DLAT: variants seen among roughly 807,000 people sequenced by gnomAD.
DLAT encodes dihydrolipoyllysine-residue acetyltransferase component of pyruvate dehydrogenase complex, mitochondrial.
Under a neutral mutation model 68.0 loss-of-function variants are expected in DLAT, and 43 were observed. The ratio of observed to expected loss-of-function variants is 0.63; its 90% confidence interval spans 0.50 to 0.81. DLAT has a LOEUF of 0.81. DLAT is among the 40% of genes least tolerant of loss of function. The pLI is 0.00. For missense variants in DLAT, 745 were observed against 815.4 expected (o/e 0.91, Z 1.05); for synonymous variants, 265 against 288.6 (o/e 0.92, Z 0.83).
In DLAT at chr11:112,058,361, T is replaced by G. The variant is rs587716922; in HGVS notation, c.1515-1542T>G. ...CGGTATTTTTATTAGAGCAGGTTCC[T>G]GTGTTTGTTTGCAAGTGACAAAATC... On this transcript the variant is annotated intron_variant, in intron 11 of 13. Transcript: ENST00000280346. Among the ~76,000 whole-genome samples the G allele has an allele frequency of 1.2e-4, 18 of 152,322 alleles. No homozygotes were observed. In the South Asian group the frequency reaches 3.7e-3, roughly 32 times the overall value.
Position 112,026,303 on chromosome 11 carries a change from AG to A in DLAT, c.381+5del, listed in dbSNP as rs1862001629. ...TGAAGGTGACCTAATTGCAGAGGTAAGTTTTTTTTTTTTTTTTTAATTAATT... is the reference window on the plus strand; with the variant it reads ...TGAAGGTGACCTAATTGCAGAGGTAATTTTTTTTTTTTTTTTTAATTAATT... On this transcript the variant is annotated splice_donor_5th_base_variant and intron_variant, in intron 2 of 13. Transcript: ENST00000280346. 1.3e-5 allele frequency: 17 copies of A among 1,351,222 alleles called. No homozygotes were observed. The highest frequency in any genetic ancestry group is 1.7e-5 in the Non-Finnish European group (17 of 1,018,310). 83.7% of individuals were successfully genotyped at this position (1,351,222 alleles called of 1,614,324 possible).
chr11:112,026,854 C>A (rs1862050124), intron 2 of DLAT, among the ~76,000 whole-genome samples: 1 of 152,192 alleles, frequency 6.6e-6, no homozygotes, highest in Admixed American at 6.5e-5. Context: ...AGGGTGGTGG[C>A]CGGGCAGAGG....
Position 112,059,352 on chromosome 11 carries a change from TC to T in DLAT, c.1515-550del, listed in dbSNP as rs1272101765. Among the ~76,000 whole-genome samples, 206 of 150,976 alleles carry T rather than the reference TC, an allele frequency of 1.4e-3. 2 individuals are homozygous for T. The highest frequency in any genetic ancestry group is 4.9e-3 in the African/African-American group (201 of 41,184). On this transcript the variant is annotated intron_variant, in intron 11 of 13. Transcript: ENST00000280346. Reference sequence around the variant, plus strand: ...CTACTGCTGCTGACACATTTCTCATTCTTTTTTTTTTTTTTTTTTCTTGGCA... The same window carrying T: ...CTACTGCTGCTGACACATTTCTCATTTTTTTTTTTTTTTTTTTTCTTGGCA...
intron 4 of DLAT, among the ~76,000 whole-genome samples, chr11:112,032,283 T>TTTACACA (rs1862456860): frequency 6.6e-6 from 1 of 151,762 alleles, no homozygotes; most frequent in Non-Finnish European, 1.5e-5. Context: ...AAAAAAATTA[T>TTTACACA]CAAATAAAAT....
intron 11 of DLAT, among the ~76,000 whole-genome samples, chr11:112,052,335 A>G (rs1435617829): frequency 1.3e-5 from 2 of 152,006 alleles, no homozygotes; most frequent in African/African-American, 4.8e-5. Context: ...TCAGATCCCA[A>G]AGATTGAGGG....
intron 12 of DLAT, among the ~76,000 whole-genome samples, 166 bp downstream of exon 12, chr11:112,060,231 G>A (rs1275590941): frequency 1.4e-5 from 2 of 142,634 alleles, no homozygotes; most frequent in African/African-American, 2.6e-5. Flanking sequence ...GCATGATCTC[G>A]GCTCACTGCA....
chr11:112,050,709 C>T (rs1438003996), intron 10 of DLAT, among the ~76,000 whole-genome samples: 13 of 152,148 alleles, frequency 8.5e-5, no homozygotes, highest in South Asian at 8.3e-4. Flanking sequence ...AAATTCTAGT[C>T]TTCTCTCCTC....
At chr11:112,057,125 C>T (rs151123750) in intron 11 of DLAT, among the ~76,000 whole-genome samples, 1 of 152,126 alleles carries the variant, frequency 6.6e-6, no homozygotes, top group African/African-American at 2.4e-5. Flanking sequence ...GAACCATGCC[C>T]ATATAAGATG....
intron 5 of DLAT, among the ~76,000 whole-genome samples, chr11:112,033,774 G>C (rs1862545976): frequency 6.6e-6 from 1 of 152,070 alleles, no homozygotes; most frequent in Non-Finnish European, 1.5e-5. Context: ...CTGGAGTGCG[G>C]TGGCAAGATC....
intron 12 of DLAT, among the ~76,000 whole-genome samples, chr11:112,060,533 C>T (rs1227589769): frequency 6.6e-6 from 1 of 152,114 alleles, no homozygotes; most frequent in African/African-American, 2.4e-5. Context: ...TGGCTCACTG[C>T]AACCTCCGCC....
intron 7 of DLAT, among the ~76,000 whole-genome samples, chr11:112,040,117 A>G (rs73561975): frequency 0.021 from 3,167 of 152,298 alleles, 120 homozygotes; most frequent in African/African-American, 0.073. Flanking sequence ...TAAGTACTCA[A>G]TACATGTTAG....
intron 11 of DLAT, among the ~76,000 whole-genome samples, chr11:112,056,834 T>C (rs587619553): frequency 6.6e-6 from 1 of 152,342 alleles, no homozygotes; most frequent in South Asian, 2.1e-4. Context: ...TCATCAATAT[T>C]TGTTACCGTG....
intron 1 of DLAT, among the ~76,000 whole-genome samples, 168 bp from the exon 2 acceptor site, chr11:112,026,030 G>A (rs146146784): frequency 6.6e-6 from 1 of 152,282 alleles, no homozygotes; most frequent in East Asian, 1.9e-4. Flanking sequence ...GCCTGTCACT[G>A]GAAATTACTA....
intron 8 of DLAT, among the ~76,000 whole-genome samples, chr11:112,044,917 C>T (rs1458816070): frequency 6.6e-6 from 1 of 152,036 alleles, no homozygotes; most frequent in Non-Finnish European, 1.5e-5. Flanking sequence ...CACCTGTAGT[C>T]CCAGCTACTC....
At chr11:112,059,796 C>A in intron 11 of DLAT, 107 bp from the exon 12 acceptor site, 1 of 931,042 alleles carries the variant, frequency 1.1e-6, no homozygotes, top group Non-Finnish European at 1.6e-6. Context: ...CAATAACACA[C>A]ATTGGTTCAA....
chr11:112,037,551 C>G (rs1862839685), intron 6 of DLAT, 91 bp downstream of exon 6: 1 of 1,257,158 alleles, frequency 8.0e-7, no homozygotes, highest in Non-Finnish European at 1.1e-6. Flanking sequence ...GTTCCTTCCA[C>G]CTCCAAGATT....
At chr11:112,029,434 T>C (rs1230284654) in intron 4 of DLAT, among the ~76,000 whole-genome samples, 1 of 151,900 alleles carries the variant, frequency 6.6e-6, no homozygotes, top group Non-Finnish European at 1.5e-5. Flanking sequence ...ACAATCATGG[T>C]GGAAGTTGGA....
At chr11:112,047,105 A>G (rs146900145) in intron 10 of DLAT, among the ~76,000 whole-genome samples, 7 of 152,280 alleles carry the variant, frequency 4.6e-5, no homozygotes, top group Middle Eastern at 3.4e-3. Context: ...AAGCGTTCCT[A>G]TTTCTCCACA....
chr11:112,039,494 T>C (rs1233950768), intron 7 of DLAT, 97 bp downstream of exon 7: 12 of 1,238,872 alleles, frequency 9.7e-6, no homozygotes, highest in Non-Finnish European at 1.4e-5. Context: ...GCCGTACTTA[T>C]AATTGGGATA....
Sources: allele counts gnomAD v4.1 joint callset (sites outside exome capture counted in the v4.1 genomes callset), GRCh38; gene constraint gnomAD v4.1.1; transcripts MANE v1.5; gene names NCBI Gene and HGNC (gene_info 2026-07-23, HGNC 2026-07-21).